Variants in TBC1D19 observed in about 807,000 individuals in gnomAD.
TBC1D19 encodes the protein TBC1 domain family member 19, also known as TBC1 domain family, member 19.
TBC1D19 carries 60 observed loss-of-function variants against 89.0 expected under a neutral mutation model. The observed-to-expected ratio is 0.67, with a 90% CI of 0.55 to 0.84. The LOEUF is 0.84. Ranked by LOEUF, TBC1D19 falls within the 40% of genes least tolerant of loss-of-function variation. The pLI, the probability that TBC1D19 is intolerant of heterozygous loss-of-function variation, is 0.00. For synonymous variants in TBC1D19, 189 were observed against 199.7 expected (o/e 0.95, Z 0.45); for missense variants, 500 against 610.8 (o/e 0.82, Z 1.91).
intron 7 of TBC1D19, among the ~76,000 whole-genome samples, chr4:26,658,991 C>T (rs147685334): frequency 0.013 from 2,035 of 152,186 alleles, 41 homozygotes; most frequent in African/African-American, 0.046. Context: ...TGGGCTGAGA[C>T]GGTGGGGTTT....
intron 4 of TBC1D19, among the ~76,000 whole-genome samples, chr4:26,630,446 G>A (rs1742736282): frequency 6.6e-6 from 1 of 151,346 alleles, no homozygotes; most frequent in Admixed American, 6.6e-5. Context: ...ATTTATTTTG[G>A]GGTGCTAAAT....
intron 3 of TBC1D19, among the ~76,000 whole-genome samples, chr4:26,617,748 A>C (rs1371232033): frequency 6.6e-6 from 1 of 152,242 alleles, no homozygotes; most frequent in African/African-American, 2.4e-5. Flanking sequence ...CTTTGTACAG[A>C]GCAGTTTATA....
chr4:26,636,963 A>G (rs577922621), intron 4 of TBC1D19, among the ~76,000 whole-genome samples: 1 of 152,208 alleles, frequency 6.6e-6, no homozygotes, highest in East Asian at 1.9e-4. Flanking sequence ...CCTCATTCCC[A>G]TCCTCAACTA....
At chr4:26,636,308 T>TA (rs759269056) in intron 4 of TBC1D19, among the ~76,000 whole-genome samples, 1 of 151,940 alleles carries the variant, frequency 6.6e-6, no homozygotes, top group East Asian at 1.9e-4. Context: ...AATATTATAT[T>TA]AAAATATGGT....
intron 13 of TBC1D19, among the ~76,000 whole-genome samples, chr4:26,704,333 A>G (rs1277920622): frequency 2.6e-5 from 4 of 152,182 alleles, no homozygotes; most frequent in Non-Finnish European, 5.9e-5. Context: ...CATATTGTCC[A>G]AAGTATATAA....
chr4:26,719,057 T>C (rs1239266021), intron 14 of TBC1D19, among the ~76,000 whole-genome samples: 1 of 152,076 alleles, frequency 6.6e-6, no homozygotes, highest in East Asian at 1.9e-4. Flanking sequence ...CCATCATCTA[T>C]TTCTCTCTCC....
chr4:26,605,424 G>A (rs1740930101), intron 1 of TBC1D19, among the ~76,000 whole-genome samples: 1 of 151,804 alleles, frequency 6.6e-6, no homozygotes, highest in Admixed American at 6.6e-5. Context: ...TGGTGTATAT[G>A]TGCCACATTT....
chr4:26,758,750 C>A (rs1719357655), downstream of TBC1D19, among the ~76,000 whole-genome samples: 1 of 152,082 alleles, frequency 6.6e-6, no homozygotes, highest in African/African-American at 2.4e-5. Context: ...TTTTACAAGA[C>A]CCAAAGGATT....
At chr4:26,623,019 A>G (rs187387855) in intron 4 of TBC1D19, among the ~76,000 whole-genome samples, 39 of 152,286 alleles carry the variant, frequency 2.6e-4, no homozygotes, top group African/African-American at 8.9e-4. Context: ...CCTATCAGTA[A>G]GTATCTATCT....
At chr4:26,726,126 AAC>A (rs56262902) in intron 15 of TBC1D19, among the ~76,000 whole-genome samples, 8,992 of 126,908 alleles carry the variant, frequency 0.071, 318 homozygotes, top group African/African-American at 0.073. Context: ...CAATTCTCCC[AAC>A]ACACACACAC....
the TBC1D19 span, among the ~76,000 whole-genome samples, chr4:26,817,981 A>AAAATAT: frequency 1.2e-4 from 15 of 126,052 alleles, no homozygotes; most frequent in African/African-American, 5.1e-4. Context: ...AAAAAAAAAA[A>AAAATAT]ATATATATAT....
intron 4 of TBC1D19, among the ~76,000 whole-genome samples, chr4:26,621,493 A>G (rs944570821): frequency 6.6e-6 from 1 of 152,174 alleles, no homozygotes; most frequent in African/African-American, 2.4e-5. Flanking sequence ...AGGTACCTCA[A>G]AGAACTCCCA....
chr4:26,801,949 C>T, the TBC1D19 span, among the ~76,000 whole-genome samples: 1 of 152,024 alleles, frequency 6.6e-6, no homozygotes, highest in Non-Finnish European at 1.5e-5. Flanking sequence ...GACTTTAGTA[C>T]ATTTGTGATT....
the TBC1D19 span, among the ~76,000 whole-genome samples, chr4:26,789,751 T>C: frequency 9.2e-5 from 14 of 152,176 alleles, no homozygotes. Context: ...AATTTGTTTA[T>C]CACAGAACTA....
chr4:26,596,821 T>C (rs906955400), intron 1 of TBC1D19, among the ~76,000 whole-genome samples: 1 of 152,272 alleles, frequency 6.6e-6, no homozygotes, highest in Admixed American at 6.5e-5. Context: ...TTTTCTAATA[T>C]CTTCTACAAT....
At chr4:26,707,026 T>G (rs1466194065) in intron 13 of TBC1D19, among the ~76,000 whole-genome samples, 1 of 152,130 alleles carries the variant, frequency 6.6e-6, no homozygotes, top group Non-Finnish European at 1.5e-5. Flanking sequence ...GTGTTCAGTA[T>G]ATTGTTAGAT....
intron 1 of TBC1D19, among the ~76,000 whole-genome samples, chr4:26,594,080 G>A (rs945421119): frequency 2.0e-5 from 3 of 152,092 alleles, no homozygotes; most frequent in Admixed American, 2.0e-4. Flanking sequence ...GCAAAGACTT[G>A]GAACCAACCC....
chr4:26,754,006 G>A (rs892922830), intron 20 of TBC1D19, 116 bp downstream of exon 20: 36 of 1,013,886 alleles, frequency 3.6e-5, no homozygotes, highest in Non-Finnish European at 4.8e-5. Flanking sequence ...TTTTTAACTC[G>A]GGTAAAACCT....
chr4:26,637,312 G>A lies in TBC1D19; in HGVS notation c.369+27G>A, dbSNP rs369199148. 6 of 1,521,690 alleles carry A rather than the reference G, an allele frequency of 3.9e-6. No individual in the cohort carries two copies. The African/African-American group carries it at 4.1e-5, about 11-fold the overall frequency. 94.3% of individuals were successfully genotyped at this position (1,521,690 alleles called of 1,614,324 possible). On this transcript the variant is annotated intron_variant, in intron 5 of 20. Coordinates refer to ENST00000264866, the MANE Select transcript of TBC1D19 (RefSeq NM_018317.4). ...TACTTTTAAACATTTTTCTGTTTAA[G>A]TATTTCATTGTGAATCAAATACAGA...
Sources: gnomAD v4.1 joint callset for allele counts (sites outside exome capture counted in the v4.1 genomes callset) on GRCh38, gnomAD v4.1.1 for gene constraint, MANE v1.5 for transcripts, NCBI Gene and HGNC (gene_info 2026-07-23, HGNC 2026-07-21) for gene names.